The following SASH1 variants were observed in gnomAD, a reference collection of about 807,000 sequenced individuals.
SASH1 encodes SAM and SH3 domain containing 1.
In SASH1, 44 loss-of-function variants were observed where a neutral mutation model predicts 125.2. The observed-to-expected ratio is 0.35, with a 90% confidence interval of 0.28 to 0.45. SASH1 has a LOEUF of 0.45. SASH1 is among the 20% of genes least tolerant of loss of function. The pLI, the probability that SASH1 is intolerant of heterozygous loss-of-function variation, is 1.00. For missense variants in SASH1, 1,426 were observed against 1,614.5 expected (o/e 0.88, Z 2.00); for synonymous variants, 639 against 649.1 (o/e 0.98, Z 0.24).
chr6:148,259,182 G>C, the SASH1 span, among the ~76,000 whole-genome samples: 1 of 152,180 alleles, frequency 6.6e-6, no homozygotes, highest in African/African-American at 2.4e-5. Flanking sequence ...TTCCAGGAGA[G>C]CTTGGAATCA....
intron 2 of SASH1, among the ~76,000 whole-genome samples, chr6:148,421,146 GAAGA>G (rs751049278): frequency 0.029 from 2,055 of 70,654 alleles, 44 homozygotes; most frequent in East Asian, 0.084. Context: ...AGGAAGGAAG[GAAGA>G]AAGAAAGAAA....
At chr6:148,253,848 G>A in the SASH1 span, among the ~76,000 whole-genome samples, 1 of 152,034 alleles carries the variant, frequency 6.6e-6, no homozygotes, top group African/African-American at 2.4e-5. Context: ...CTCCAGCCTG[G>A]TGACAGAGCG....
intron 1 of SASH1, among the ~76,000 whole-genome samples, chr6:148,389,604 A>G (rs548423785): frequency 5.3e-5 from 8 of 152,240 alleles, no homozygotes; most frequent in Admixed American, 3.3e-4. Flanking sequence ...CCCAGATGCA[A>G]TTCTCTATCG....
intron 1 of SASH1, among the ~76,000 whole-genome samples, chr6:148,313,735 G>A (rs1466549536): frequency 6.6e-6 from 1 of 152,186 alleles, no homozygotes; most frequent in African/African-American, 2.4e-5. Flanking sequence ...GCGGCTGCAT[G>A]CCGGGTGTAG....
intron 10 of SASH1, among the ~76,000 whole-genome samples, chr6:148,522,707 C>CT (rs1249557681): frequency 1.3e-5 from 2 of 152,178 alleles, no homozygotes; most frequent in East Asian, 3.8e-4. Flanking sequence ...AAGCATCTAT[C>CT]TAAAGTGTTT....
At chr6:148,502,597 G>A (rs1779603189) in intron 8 of SASH1, among the ~76,000 whole-genome samples, 1 of 152,224 alleles carries the variant, frequency 6.6e-6, no homozygotes, top group Non-Finnish European at 1.5e-5. Context: ...ACCGTGGAGG[G>A]AGATCAGGCA....
chr6:148,452,148 A>G (rs1777128228), intron 4 of SASH1, among the ~76,000 whole-genome samples: 1 of 152,178 alleles, frequency 6.6e-6, no homozygotes. Context: ...CAGGCACACT[A>G]GGGTGGGAAG....
the SASH1 span, among the ~76,000 whole-genome samples, chr6:148,218,781 T>G: frequency 4.6e-5 from 7 of 152,348 alleles, no homozygotes; most frequent in Middle Eastern, 3.4e-3. Flanking sequence ...CCACACCACC[T>G]TGTGAACCCT....
chr6:148,272,360 G>A (rs755199014), exon 1 of SASH1: 1 of 470,888 alleles, frequency 2.1e-6, no homozygotes, highest in Non-Finnish European at 4.4e-6. Flanking sequence ...TCACTTCATG[G>A]AGGAACAAGA....
intron 9 of SASH1, among the ~76,000 whole-genome samples, chr6:148,516,888 A>G (rs1780474104): frequency 6.6e-6 from 1 of 152,116 alleles, no homozygotes; most frequent in South Asian, 2.1e-4. Context: ...GAAAGCCAGG[A>G]GAGAGATCAG....
intron 1 of SASH1, among the ~76,000 whole-genome samples, chr6:148,376,200 A>G (rs753036446): frequency 1.3e-5 from 2 of 152,026 alleles, no homozygotes; most frequent in Non-Finnish European, 2.9e-5. Flanking sequence ...CCAAGTAGCT[A>G]GGATTACAGG....
intron 2 of SASH1, among the ~76,000 whole-genome samples, chr6:148,409,858 G>A (rs2114903534): frequency 6.6e-6 from 1 of 152,078 alleles, no homozygotes; most frequent in African/African-American, 2.4e-5. Context: ...CGCTTGAACT[G>A]GGGAGGCAGA....
At chr6:148,455,228 G>C (rs1394990253) in intron 4 of SASH1, among the ~76,000 whole-genome samples, 4 of 152,326 alleles carry the variant, frequency 2.6e-5, no homozygotes, top group South Asian at 2.1e-4. Context: ...TCAATATCCA[G>C]ATGTGGAACC....
intron 8 of SASH1, among the ~76,000 whole-genome samples, chr6:148,498,235 A>AAAAAAAAAAAAC (rs1779398132): frequency 4.5e-5 from 1 of 22,064 alleles, no homozygotes; most frequent in Non-Finnish European, 7.5e-5. Flanking sequence ...ACAAACAAAC[A>AAAAAAAAAAAAC]AAAAAAAAAA....
At chr6:148,324,253 T>C (rs1257430810) in intron 1 of SASH1, among the ~76,000 whole-genome samples, 1 of 152,136 alleles carries the variant, frequency 6.6e-6, no homozygotes, top group Admixed American at 6.6e-5. Context: ...GATTCCTTTG[T>C]AGTCAGGACA....
intron 1 of SASH1, among the ~76,000 whole-genome samples, chr6:148,381,238 T>G (rs1343155907): frequency 2.6e-5 from 4 of 152,204 alleles, no homozygotes; most frequent in African/African-American, 9.6e-5. Flanking sequence ...TTCAGATTTC[T>G]TCCCAGTAGG....
intron 2 of SASH1, among the ~76,000 whole-genome samples, chr6:148,391,733 G>A (rs1377747727): frequency 6.6e-6 from 1 of 152,156 alleles, no homozygotes; most frequent in Admixed American, 6.5e-5. Context: ...TTGTATATTT[G>A]CTATAAAATA....
At chr6:148,349,351 C>T (rs760232774) in intron 1 of SASH1, among the ~76,000 whole-genome samples, 2 of 144,322 alleles carry the variant, frequency 1.4e-5, no homozygotes, top group Non-Finnish European at 3.0e-5. Context: ...CAACCCTCAA[C>T]CTTCCAGGTT....
chr6:148,446,085 GTTCTTTTTTTTTTTTTTTTTTTTTTTTTT>G (rs969529092), intron 4 of SASH1, among the ~76,000 whole-genome samples: 1 of 108,864 alleles, frequency 9.2e-6, no homozygotes, highest in Non-Finnish European at 1.9e-5. Flanking sequence ...ACAACATAGG[GTTCTTTTTTTTTTTTTTTTTTTTTTTTTT>G]TTTTTTTTTT....
Sources: gnomAD v4.1 joint callset for allele counts (sites outside exome capture counted in the v4.1 genomes callset) on GRCh38, gnomAD v4.1.1 for gene constraint, MANE v1.5 for transcripts, NCBI Gene and HGNC (gene_info 2026-07-23, HGNC 2026-07-21) for gene names.